Variants in CSMD1 observed in about 807,000 individuals in gnomAD.
CSMD1 encodes the protein CUB and sushi domain-containing protein 1.
In CSMD1, 213 loss-of-function variants were observed where a neutral mutation model predicts 417.5. The observed-to-expected ratio is 0.51, with a 90% CI of 0.46 to 0.57. The LOEUF (loss-of-function observed/expected upper bound fraction) is 0.57. CSMD1 is among the 20% of genes least tolerant of loss of function. The probability of loss-of-function intolerance (pLI) is 0.00; values close to 1 mark genes in which losing one functional copy is unlikely to be tolerated. For missense variants in CSMD1, 6,923 were observed against 4,529.7 expected (o/e 1.53, Z -15.17); for synonymous variants, 2,862 against 1,736.8 (o/e 1.65, Z -16.11).
At chr8:3,470,458 A>G (rs1817022290) in intron 11 of CSMD1, among the ~76,000 whole-genome samples, 1 of 152,172 alleles carries the variant, frequency 6.6e-6, no homozygotes, top group Admixed American at 6.5e-5. Context: ...ATCTTGCAAA[A>G]CTATAACAAT....
At chr8:3,149,982 C>G (rs148138707) in intron 40 of CSMD1, among the ~76,000 whole-genome samples, 1 of 152,156 alleles carries the variant, frequency 6.6e-6, no homozygotes, top group Admixed American at 6.5e-5. Context: ...TTACACATAC[C>G]TCTGAAAGAA....
At chr8:3,834,847 C>A in intron 5 of CSMD1, among the ~76,000 whole-genome samples, 1 of 151,736 alleles carries the variant, frequency 6.6e-6, no homozygotes, top group Non-Finnish European at 1.5e-5. Context: ...CCAGAATCTA[C>A]AATGAACTCC....
intron 8 of CSMD1, among the ~76,000 whole-genome samples, chr8:3,615,343 T>C (rs377238345): frequency 2.0e-5 from 3 of 152,196 alleles, no homozygotes; most frequent in South Asian, 2.1e-4. Flanking sequence ...AACATCCTTC[T>C]GCTTAGCTCT....
chr8:4,244,279 G>C (rs985737288), intron 3 of CSMD1, among the ~76,000 whole-genome samples: 2 of 152,116 alleles, frequency 1.3e-5, no homozygotes, highest in African/African-American at 4.8e-5. Flanking sequence ...GCAGGCCCCC[G>C]GGTCTTCGGG....
intron 54 of CSMD1, among the ~76,000 whole-genome samples, chr8:2,997,705 C>G (rs1417910694): frequency 1.3e-5 from 2 of 152,016 alleles, no homozygotes; most frequent in Non-Finnish European, 2.9e-5. Flanking sequence ...TAATGGCCCC[C>G]AAATGCTAAC....
At chr8:3,859,781 T>C (rs953169492) in intron 5 of CSMD1, among the ~76,000 whole-genome samples, 3 of 152,190 alleles carry the variant, frequency 2.0e-5, no homozygotes, top group African/African-American at 7.2e-5. Flanking sequence ...TGCATACTTA[T>C]GCTCAGAGGT....
At chr8:4,373,658 A>G (rs1329525064) in intron 3 of CSMD1, among the ~76,000 whole-genome samples, 1 of 152,134 alleles carries the variant, frequency 6.6e-6, no homozygotes, top group African/African-American at 2.4e-5. Context: ...GGAAGTTATG[A>G]TAGTTTAATG....
At chr8:3,709,695 T>G (rs1281447097) in intron 6 of CSMD1, among the ~76,000 whole-genome samples, 5 of 123,572 alleles carry the variant, frequency 4.0e-5, no homozygotes, top group African/African-American at 1.5e-4. Flanking sequence ...TTTTTTTTTT[T>G]TTTTTTTTTT....
intron 5 of CSMD1, among the ~76,000 whole-genome samples, chr8:3,929,450 G>C (rs1809984248): frequency 6.7e-6 from 1 of 150,180 alleles, no homozygotes; most frequent in African/African-American, 2.5e-5. Context: ...AAGCTGGAGG[G>C]GACAGAACAA....
At chr8:4,121,982 T>A (rs926785995) in intron 3 of CSMD1, among the ~76,000 whole-genome samples, 16 of 152,052 alleles carry the variant, frequency 1.1e-4, no homozygotes, top group Admixed American at 2.0e-4. Context: ...TATGTATAGA[T>A]TTACTAAAAT....
At chr8:4,556,138 A>C (rs1256476589) in intron 2 of CSMD1, among the ~76,000 whole-genome samples, 1 of 152,244 alleles carries the variant, frequency 6.6e-6, no homozygotes, top group African/African-American at 2.4e-5. Flanking sequence ...AGATTTAATA[A>C]GTATGCTATG....
chr8:3,481,237 A>G (rs1817733285), intron 11 of CSMD1, among the ~76,000 whole-genome samples: 1 of 151,920 alleles, frequency 6.6e-6, no homozygotes, highest in Non-Finnish European at 1.5e-5. Flanking sequence ...CTTCTTGAAA[A>G]GAAATGAAGG....
chr8:3,960,757 A>G (rs1812271803), intron 5 of CSMD1, among the ~76,000 whole-genome samples: 1 of 151,918 alleles, frequency 6.6e-6, no homozygotes, highest in Admixed American at 6.6e-5. Flanking sequence ...TTGATTTAAA[A>G]TCAAGAAGTG....
intron 26 of CSMD1, among the ~76,000 whole-genome samples, chr8:3,267,339 G>A (rs1166492007): frequency 6.6e-6 from 1 of 152,212 alleles, no homozygotes; most frequent in Non-Finnish European, 1.5e-5. Flanking sequence ...ATCATCTATC[G>A]CGTACGAAAG....
chr8:4,004,783 T>G (rs182026491), intron 4 of CSMD1, among the ~76,000 whole-genome samples: 4 of 152,136 alleles, frequency 2.6e-5, no homozygotes, highest in Non-Finnish European at 5.9e-5. Context: ...CTCACTCTGT[T>G]GCCCAGGCTG....
rs1805197954 is a variant in CSMD1, at chr8:4,905,629, C to T, written c.85+88703G>A. On this transcript the variant is annotated intron_variant, in intron 1 of 69. Coordinates refer to ENST00000635120, the MANE Select transcript of CSMD1 (RefSeq NM_033225.6). Reference sequence around the variant, plus strand: ...GGTCATGAGATCGAGGCCATCCTGGCTAACACGGTGAAACCCCGTCTCTAC... The same window carrying T: ...GGTCATGAGATCGAGGCCATCCTGGTTAACACGGTGAAACCCCGTCTCTAC... 2.6e-5 allele frequency among the ~76,000 whole-genome samples: 4 copies of T among 151,520 alleles called. No homozygotes were observed. In the South Asian group the frequency reaches 8.3e-4, roughly 32 times the overall value.
intron 3 of CSMD1, among the ~76,000 whole-genome samples, chr8:4,416,611 T>G (rs914446174): frequency 6.6e-6 from 1 of 152,076 alleles, no homozygotes; most frequent in African/African-American, 2.4e-5. Flanking sequence ...GAAGAATTCC[T>G]TTTTAAAATC....
At chr8:4,120,030 A>G (rs1802391463) in intron 3 of CSMD1, among the ~76,000 whole-genome samples, 1 of 152,186 alleles carries the variant, frequency 6.6e-6, no homozygotes, top group South Asian at 2.1e-4. Flanking sequence ...TGATAATTTA[A>G]TTGCACATTT....
In CSMD1 at chr8:3,118,504, C is replaced by A. The variant is rs1157482829; in HGVS notation, c.6325G>T (p.Val2109Leu). The A allele has an allele frequency of 6.2e-7, 1 of 1,613,766 alleles. No individual in the cohort carries two copies. The highest frequency in any genetic ancestry group is 1.3e-5 in the African/African-American group (1 of 74,914). Residue 2109 changes from valine to leucine, a missense_variant, in exon 42 of 70, where the codon GTA becomes TTA. Coordinates refer to ENST00000635120, the MANE Select transcript of CSMD1 (RefSeq NM_033225.6). Reference sequence around the variant, plus strand: ...TACCCAGGATAACACTCGAAAGATACTGATTGCCCCACGCTGTAATCCGAG... The same window carrying A: ...TACCCAGGATAACACTCGAAAGATAATGATTGCCCCACGCTGTAATCCGAG... ...INSDYSVGQS[V>L]SFECYPGYIL...
Sources: gnomAD v4.1 joint callset for allele counts (sites outside exome capture counted in the v4.1 genomes callset) on GRCh38, gnomAD v4.1.1 for gene constraint, MANE v1.5 for transcripts, NCBI Gene and HGNC (gene_info 2026-07-23, HGNC 2026-07-21) for gene names.